CRPPA: variants seen among roughly 807,000 people sequenced by gnomAD.
CRPPA encodes D-ribitol-5-phosphate cytidylyltransferase.
Under a neutral mutation model 52.0 loss-of-function variants are expected in CRPPA, and 43 were observed. The observed-to-expected ratio is 0.83, with a 90% CI of 0.65 to 1.07. The LOEUF (loss-of-function observed/expected upper bound fraction) is 1.07, where lower values mean the gene tolerates loss of function less well. Ranked by LOEUF, CRPPA falls within the 50% of genes least tolerant of loss-of-function variation. The probability of loss-of-function intolerance (pLI) is 0.00; values close to 1 mark genes in which losing one functional copy is unlikely to be tolerated. For missense variants in CRPPA, 629 were observed against 551.7 expected, an observed-to-expected ratio of 1.14 and a Z score of -1.40; for synonymous variants, 250 against 203.5, an observed-to-expected ratio of 1.23 and a Z score of -1.94.
chr7:16,200,142 G>A (rs989016999), intron 9 of CRPPA, among the ~76,000 whole-genome samples: 7 of 152,170 alleles, frequency 4.6e-5, no homozygotes, highest in Non-Finnish European at 8.8e-5. Context: ...AAAGGCGTAA[G>A]CCACTCTGCC....
At chr7:16,322,233 C>T (rs771230959) in intron 3 of CRPPA, among the ~76,000 whole-genome samples, 8 of 152,062 alleles carry the variant, frequency 5.3e-5, no homozygotes, top group South Asian at 4.2e-4. Context: ...GAAATAAAAG[C>T]GGAAGGGAAA....
intron 2 of CRPPA, among the ~76,000 whole-genome samples, chr7:16,387,088 C>CATATATATATAT (rs1305950837): frequency 6.9e-4 from 24 of 34,794 alleles, no homozygotes; most frequent in African/African-American, 2.7e-3. Context: ...TATATATATA[C>CATATATATATAT]ACACATATAT....
At chr7:16,162,734 T>C (rs879992204) in intron 9 of CRPPA, among the ~76,000 whole-genome samples, 1 of 152,078 alleles carries the variant, frequency 6.6e-6, no homozygotes, top group Non-Finnish European at 1.5e-5. Context: ...AATATCCTTG[T>C]TAATTTTCTG....
intron 2 of CRPPA, among the ~76,000 whole-genome samples, chr7:16,401,590 C>T (rs562004817): frequency 2.6e-5 from 4 of 152,314 alleles, no homozygotes; most frequent in African/African-American, 7.2e-5. Flanking sequence ...GATGCAGTCT[C>T]ATTTGAGTCA....
At chr7:16,217,208 C>T (rs1219179357) in intron 8 of CRPPA, among the ~76,000 whole-genome samples, 5 of 144,932 alleles carry the variant, frequency 3.4e-5, no homozygotes, top group Admixed American at 7.0e-5. Flanking sequence ...CAGGGTATTC[C>T]AACAGACCTG....
chr7:16,102,888 A>C (rs1017978433), intron 9 of CRPPA, among the ~76,000 whole-genome samples: 1 of 152,204 alleles, frequency 6.6e-6, no homozygotes, highest in African/African-American at 2.4e-5. Context: ...ATTGTGGAAG[A>C]CAGTGTGGCA....
At chr7:16,117,312 T>A (rs1782395101) in intron 9 of CRPPA, among the ~76,000 whole-genome samples, 1 of 152,062 alleles carries the variant, frequency 6.6e-6, no homozygotes, top group South Asian at 2.1e-4. Context: ...CAGGGGTGAG[T>A]TCTCTTTGGA....
intron 6 of CRPPA, among the ~76,000 whole-genome samples, chr7:16,261,260 T>C (rs1025762949): frequency 1.3e-5 from 2 of 152,096 alleles, no homozygotes; most frequent in Admixed American, 6.5e-5. Flanking sequence ...GTTTAATTTC[T>C]AAAGGTTAAG....
chr7:16,224,580 G>A (rs2128401131), intron 8 of CRPPA, among the ~76,000 whole-genome samples: 1 of 152,120 alleles, frequency 6.6e-6, no homozygotes. Context: ...AGAAAGAATT[G>A]GTAGATAAAC....
intron 9 of CRPPA, among the ~76,000 whole-genome samples, chr7:16,093,223 A>T (rs1217539189): frequency 1.3e-5 from 2 of 152,142 alleles, no homozygotes; most frequent in African/African-American, 4.8e-5. Flanking sequence ...AACACATGGT[A>T]GCACTCCATA....
chr7:16,214,368 T>C (rs575045952), intron 9 of CRPPA, among the ~76,000 whole-genome samples: 24 of 152,324 alleles, frequency 1.6e-4, no homozygotes, highest in African/African-American at 5.5e-4. Flanking sequence ...CATTTTCTGA[T>C]TGAGATTTGC....
chr7:16,264,205 A>T (rs1159014147), intron 6 of CRPPA, among the ~76,000 whole-genome samples: 2 of 150,994 alleles, frequency 1.3e-5, no homozygotes, highest in African/African-American at 2.4e-5. Flanking sequence ...GTTTATATAT[A>T]AAAAAAAGTC....
intron 9 of CRPPA, among the ~76,000 whole-genome samples, chr7:16,173,198 T>C (rs1013531998): frequency 1.3e-5 from 2 of 152,168 alleles, no homozygotes; most frequent in African/African-American, 4.8e-5. Context: ...TTTCACTAAG[T>C]TCATCCAGGT....
intron 5 of CRPPA, among the ~76,000 whole-genome samples, chr7:16,284,831 T>A (rs894760179): frequency 6.6e-6 from 1 of 152,056 alleles, no homozygotes; most frequent in African/African-American, 2.4e-5. Context: ...CAATTAAGAT[T>A]GTCTCAAAAA....
rs140499796 is a variant in CRPPA at position 16,334,446 on chromosome 7, C to T, written c.685-25819G>A. ...AGAGCTGTTACTCCAAACTTCAGTG[C>T]TCTGCTTAATTTTAACCTAGAAAGC... On this transcript the variant is annotated intron_variant, in intron 3 of 9. Transcript: ENST00000407010. 1.4e-4 allele frequency among the ~76,000 whole-genome samples: 22 copies of T among 152,308 alleles called. No homozygotes were observed. In the East Asian group the frequency reaches 4.2e-3, roughly 29 times the overall value.
intron 3 of CRPPA, among the ~76,000 whole-genome samples, chr7:16,323,904 A>G (rs544477648): frequency 6.6e-6 from 1 of 152,344 alleles, no homozygotes; most frequent in Non-Finnish European, 1.5e-5. Flanking sequence ...CAGCTTTGAA[A>G]GCACCTACAT....
intron 3 of CRPPA, among the ~76,000 whole-genome samples, chr7:16,320,038 C>T (rs1785224940): frequency 6.6e-6 from 1 of 152,120 alleles, no homozygotes; most frequent in African/African-American, 2.4e-5. Context: ...CTTCTCCAAG[C>T]TGCATCTGTT....
At chr7:16,270,682 A>G (rs979043270) in intron 6 of CRPPA, 1 of 152,182 alleles carries the variant, frequency 6.6e-6, no homozygotes, top group African/African-American at 2.4e-5. Flanking sequence ...GTTCACAGTT[A>G]GAGGCGCAAG....
intron 8 of CRPPA, among the ~76,000 whole-genome samples, chr7:16,221,933 A>G (rs959590050): frequency 1.5e-4 from 23 of 152,110 alleles, no homozygotes; most frequent in African/African-American, 5.5e-4. Context: ...TGACCCAGCC[A>G]TCCCATTACT....
Sources: allele counts gnomAD v4.1 joint callset (sites outside exome capture counted in the v4.1 genomes callset), GRCh38; gene constraint gnomAD v4.1.1; transcripts MANE v1.5; gene names NCBI Gene and HGNC (gene_info 2026-07-23, HGNC 2026-07-21).